GALNT14: variants seen among roughly 807,000 people sequenced by gnomAD.
GALNT14 encodes polypeptide N-acetylgalactosaminyltransferase 14, also known as UDP-GalNAc:polypeptide N-acetylgalactosaminyltransferase 14.
GALNT14 carries 60 observed loss-of-function variants against 77.5 expected under a neutral mutation model. The ratio of observed to expected loss-of-function variants is 0.77; its 90% CI spans 0.63 to 0.96. The LOEUF (loss-of-function observed/expected upper bound fraction) is 0.96. GALNT14 is among the 40% of genes least tolerant of loss of function. The pLI, the probability that GALNT14 is intolerant of heterozygous loss-of-function variation, is 0.00. For synonymous variants in GALNT14, 280 were observed against 281.7 expected (o/e 0.99, Z 0.06); for missense variants, 710 against 731.0 (o/e 0.97, Z 0.33).
intron 1 of GALNT14, among the ~76,000 whole-genome samples, chr2:31,001,273 C>A (rs1161555951): frequency 1.3e-5 from 2 of 151,954 alleles, no homozygotes; most frequent in Admixed American, 6.6e-5. Context: ...TACAAGGGTT[C>A]TGATGCATTT....
chr2:31,137,364 GT>G (rs1166714241), intron 1 of GALNT14, among the ~76,000 whole-genome samples: 1 of 152,234 alleles, frequency 6.6e-6, no homozygotes, highest in Non-Finnish European at 1.5e-5. Flanking sequence ...CAAGGCGTCT[GT>G]TTTTACAGGC....
chr2:30,949,349 C>T (rs924972030), intron 6 of GALNT14, among the ~76,000 whole-genome samples: 4 of 152,124 alleles, frequency 2.6e-5, no homozygotes, highest in African/African-American at 7.2e-5. Flanking sequence ...AATAAGATGG[C>T]TTCTCCTCCT....
chr2:30,973,333 C>T (rs184975317), intron 2 of GALNT14, among the ~76,000 whole-genome samples: 99 of 152,334 alleles, frequency 6.5e-4, no homozygotes, highest in African/African-American at 2.1e-3. Flanking sequence ...TTCCTTTCCT[C>T]ACCACCAGCC....
rs113734716 is a variant in GALNT14, at chr2:31,114,634, G to A, written c.129+23324C>T. 837 of 633,866 alleles carry A rather than the reference G, an allele frequency of 1.3e-3. 8 individuals are homozygous for A. The African/African-American group carries it at 0.014, about 11-fold the overall frequency. The allele number at this position is 633,866 out of a possible 1,614,324, so 39.3% of individuals were successfully genotyped here. A position where few individuals can be genotyped will look rare whatever the true frequency, so the allele number is the denominator to read the frequency against. On this transcript the variant is annotated intron_variant, in intron 1 of 14. Transcript: ENST00000349752. The stretch of plus-strand genomic sequence containing the variant: ...AAAATCAGGGGCAAAAAGAAATTTC[G>A]AGAACAGACTCTAAAAACCCAGCTT...
intron 2 of GALNT14, among the ~76,000 whole-genome samples, chr2:30,974,405 T>A (rs1668525902): frequency 6.6e-6 from 1 of 152,258 alleles, no homozygotes; most frequent in African/African-American, 2.4e-5. Flanking sequence ...CTTTAACCTC[T>A]TTCAATGCTG....
At chr2:31,005,489 T>C (rs1286161217) in intron 1 of GALNT14, among the ~76,000 whole-genome samples, 1 of 152,244 alleles carries the variant, frequency 6.6e-6, no homozygotes, top group Non-Finnish European at 1.5e-5. Flanking sequence ...AGAAGTGAGA[T>C]GAGACATGAA....
intron 1 of GALNT14, among the ~76,000 whole-genome samples, chr2:30,997,291 G>A (rs78099770): frequency 0.019 from 2,841 of 152,320 alleles, 38 homozygotes; most frequent in Admixed American, 0.026. Flanking sequence ...AAGTGCCACA[G>A]GAGGGCACAG....
intron 1 of GALNT14, among the ~76,000 whole-genome samples, chr2:31,018,408 G>A (rs1329695638): frequency 1.3e-5 from 2 of 152,214 alleles, no homozygotes; most frequent in Admixed American, 1.3e-4. Context: ...CAATCATAGC[G>A]GAAGGGGAAG....
At position 30,989,583 on chromosome 2, in the gene GALNT14, A is replaced by ATATAT. The variant is rs56703340; in HGVS notation, c.299+3254_299+3255insATATA. Among the ~76,000 whole-genome samples the ATATAT allele has an allele frequency of 8.6e-3, 785 of 91,792 alleles. 26 individuals carry two copies. The highest frequency in any genetic ancestry group is 0.028 in the African/African-American group (667 of 23,490). 60.2% of individuals were successfully genotyped at this position (91,792 alleles called of 152,430 possible). On this transcript the variant is annotated intron_variant, in intron 2 of 14. Coordinates refer to ENST00000349752, the MANE Select transcript of GALNT14 (RefSeq NM_024572.4). ...CCTTATATATATATATATATATATA[A>ATATAT]AAATATATATATTAGTAGATATATA...
intron 1 of GALNT14, among the ~76,000 whole-genome samples, chr2:31,082,339 C>A (rs1012104074): frequency 6.6e-6 from 1 of 152,256 alleles, no homozygotes. Context: ...AGTTCAAGTG[C>A]AACTCTTGTC....
Position 30,910,764 on chromosome 2 carries a change from T to C in GALNT14, c.*137A>G. The C allele has an allele frequency of 4.7e-6, 4 of 859,110 alleles. No homozygotes were observed. In the South Asian group the frequency reaches 7.0e-5, roughly 15 times the overall value. 53.2% of individuals were successfully genotyped at this position (859,110 alleles called of 1,614,324 possible). A position where few individuals can be genotyped will look rare whatever the true frequency, so the allele number is the denominator to read the frequency against. ...CTGTCCTCCCTGAGACAGTTGCTCC[T>C]GTCCTGGGGGGCTCTGCCTCCACCT... On this transcript the variant is annotated 3_prime_UTR_variant, in exon 15 of 15. Transcript: ENST00000349752.
intron 13 of GALNT14, among the ~76,000 whole-genome samples, chr2:30,918,776 CGGGCAGGGAGGGTGGCATT>C: frequency 9.8e-6 from 1 of 102,228 alleles, no homozygotes; most frequent in Non-Finnish European, 1.9e-5. Context: ...AGGGTGGCAT[CGGGCAGGGAGGGTGGCATT>C]GGGCAGGGAG....
Position 31,035,591 on chromosome 2 carries a change from A to G in GALNT14, c.130-42584T>C, listed in dbSNP as rs529792752. ...TGTATGTGTGTGTGTGTGTGTATAC[A>G]TATACATATACACACACACACACAC... On this transcript the variant is annotated intron_variant, in intron 1 of 14. Transcript: ENST00000349752. Among the ~76,000 whole-genome samples the G allele has an allele frequency of 7.0e-3, 614 of 88,300 alleles. 6 individuals carry two copies. The highest frequency in any genetic ancestry group is 0.026 in the African/African-American group (547 of 20,792). The allele number at this position is 88,300 out of a possible 152,430, so 57.9% of individuals were successfully genotyped here.
At chr2:30,896,208 G>C in the GALNT14 span, among the ~76,000 whole-genome samples, 1 of 152,204 alleles carries the variant, frequency 6.6e-6, no homozygotes, top group Non-Finnish European at 1.5e-5. Flanking sequence ...CATGATGAAT[G>C]ACTCTGAGTC....
intron 1 of GALNT14, among the ~76,000 whole-genome samples, chr2:31,119,292 G>GA (rs1281846626): frequency 6.6e-6 from 1 of 151,952 alleles, no homozygotes; most frequent in Admixed American, 6.6e-5. Context: ...AAATTAATCA[G>GA]AAAAAAATCT....
chr2:30,999,894 T>C (rs1670257162), intron 1 of GALNT14, among the ~76,000 whole-genome samples: 2 of 152,102 alleles, frequency 1.3e-5, no homozygotes, highest in African/African-American at 4.8e-5. Context: ...TTGCTGTGAG[T>C]GTCGTAAACA....
intron 2 of GALNT14, among the ~76,000 whole-genome samples, chr2:30,971,521 C>T (rs573347879): frequency 6.7e-4 from 102 of 152,222 alleles, no homozygotes; most frequent in African/African-American, 2.3e-3. Flanking sequence ...CGCTGACATG[C>T]TGTTTCTTTC....
At chr2:30,966,529 G>A (rs917157003) in intron 2 of GALNT14, among the ~76,000 whole-genome samples, 3 of 152,174 alleles carry the variant, frequency 2.0e-5, no homozygotes, top group Non-Finnish European at 4.4e-5. Context: ...CACCTTGGGG[G>A]AACCTAGGCT....
intron 1 of GALNT14, among the ~76,000 whole-genome samples, chr2:31,106,110 T>G (rs1677545693): frequency 6.6e-6 from 1 of 152,164 alleles, no homozygotes; most frequent in Admixed American, 6.6e-5. Flanking sequence ...GAGGGGTTAT[T>G]CCCTATCTTT....
Sources: allele counts gnomAD v4.1 joint callset (sites outside exome capture counted in the v4.1 genomes callset), GRCh38; gene constraint gnomAD v4.1.1; transcripts MANE v1.5; gene names NCBI Gene and HGNC (gene_info 2026-07-23, HGNC 2026-07-21).